CMIP: variants seen among roughly 807,000 people sequenced by gnomAD.
The protein encoded by CMIP is c-Maf inducing protein, also known as C-Maf-inducing protein.
A neutral mutation model predicts 97.3 loss-of-function variants in CMIP; 13 were observed. That is an observed-to-expected ratio of 0.13 (90% CI 0.09 to 0.21). The LOEUF is 0.21. Ranked by LOEUF, CMIP falls within the 10% of genes least tolerant of loss-of-function variation. The probability of loss-of-function intolerance (pLI) is 1.00; values close to 1 mark genes in which losing one functional copy is unlikely to be tolerated. For synonymous variants in CMIP, 538 were observed against 436.3 expected (o/e 1.23, Z -2.91); for missense variants, 847 against 1,024.9 (o/e 0.83, Z 2.37).
Position 81,709,787 on chromosome 16 carries a change from C to A in CMIP, c.2310C>A (p.Thr770=), listed in dbSNP as rs761746387. The change falls in exon 21 of 21, where the codon ACC becomes ACA. Residue 770 remains threonine, a synonymous_variant. Transcript: ENST00000537098. The part of the protein sequence containing the change: ...PNLKEVDVRY[T]EAW Reference sequence around the variant, plus strand: ...TGAAGGAAGTGGACGTCCGCTACACCGAAGCCTGGTGAAGCTCCCAGCTCA... The same window carrying A: ...TGAAGGAAGTGGACGTCCGCTACACAGAAGCCTGGTGAAGCTCCCAGCTCA... 2.5e-6 allele frequency: 4 copies of A among 1,613,810 alleles called. No homozygotes were observed. The African/African-American group carries it at 5.3e-5, about 22-fold the overall frequency.
rs1231663916 is a variant in CMIP at position 81,607,563 on chromosome 16, G to A, written c.301-4G>A. On this transcript the variant is annotated splice_region_variant and splice_polypyrimidine_tract_variant and intron_variant, in intron 1 of 20. Coordinates refer to ENST00000537098, the MANE Select transcript of CMIP (RefSeq NM_198390.3). ...TATCTCTTCTTTTTCTTTTTTTGCTGCAGCCAACTGGGTACATGGAAAACT... is the reference window on the plus strand; with the variant it reads ...TATCTCTTCTTTTTCTTTTTTTGCTACAGCCAACTGGGTACATGGAAAACT... 10 of 1,611,594 alleles carry A rather than the reference G, an allele frequency of 6.2e-6. No individual in the cohort carries two copies. The highest frequency in any genetic ancestry group is 2.2e-5 in the East Asian group (1 of 44,872).
intron 4 of CMIP, 59 bp from the exon 5 acceptor site, chr16:81,657,716 C>T (rs914164246): frequency 5.8e-6 from 8 of 1,380,310 alleles, no homozygotes; most frequent in Non-Finnish European, 8.0e-6. Flanking sequence ...TCCAAATGCT[C>T]GTTTTCTTAA....
chr16:81,666,198 C>T (rs902466468), intron 7 of CMIP: 1 of 152,116 alleles, frequency 6.6e-6, no homozygotes, highest in East Asian at 1.9e-4. Context: ...AAAATCACTA[C>T]GGGTGTAGTG....
chr16:81,631,347 G>T (rs888342586), intron 3 of CMIP: 1 of 152,238 alleles, frequency 6.6e-6, no homozygotes, highest in Non-Finnish European at 1.5e-5. Flanking sequence ...GGGCCTTTTG[G>T]CCTCTTCCGT....
chr16:81,576,083 C>G (rs918942204), intron 1 of CMIP, among the ~76,000 whole-genome samples: 1 of 152,114 alleles, frequency 6.6e-6, no homozygotes, highest in Admixed American at 6.5e-5. Context: ...TTGTAAGATA[C>G]TCCATTTTCT....
At chr16:81,687,032 T>C (rs1905477332) in intron 10 of CMIP, among the ~76,000 whole-genome samples, 1 of 152,146 alleles carries the variant, frequency 6.6e-6, no homozygotes, top group South Asian at 2.1e-4. Flanking sequence ...CCTGCCCCAG[T>C]GCAAGCCAGG....
chr16:81,446,005 C>T (rs1231119169), intron 1 of CMIP, among the ~76,000 whole-genome samples: 6 of 152,126 alleles, frequency 3.9e-5, no homozygotes, highest in Admixed American at 3.3e-4. Flanking sequence ...TCCAAACCCC[C>T]AAACCCAAAG....
At chr16:81,642,657 C>T (rs1055557157) in intron 3 of CMIP, among the ~76,000 whole-genome samples, 1 of 152,152 alleles carries the variant, frequency 6.6e-6, no homozygotes, top group Non-Finnish European at 1.5e-5. Flanking sequence ...TGCAGTGTAT[C>T]TGCCGGGCGC....
intron 1 of CMIP, among the ~76,000 whole-genome samples, chr16:81,559,396 C>G (rs1453938374): frequency 2.0e-5 from 3 of 152,200 alleles, no homozygotes; most frequent in Non-Finnish European, 4.4e-5. Context: ...TGGAGCTGTT[C>G]TAGGTGCAGG....
intron 1 of CMIP, among the ~76,000 whole-genome samples, chr16:81,568,747 C>T (rs1308207304): frequency 6.6e-6 from 1 of 152,200 alleles, no homozygotes; most frequent in South Asian, 2.1e-4. Flanking sequence ...GGAGTTGGCT[C>T]CATAACAAAG....
chr16:81,473,653 G>T (rs1284605092), intron 1 of CMIP, among the ~76,000 whole-genome samples: 1 of 151,966 alleles, frequency 6.6e-6, no homozygotes, highest in African/African-American at 2.4e-5. Context: ...TTGGAATGGG[G>T]TGATCTCAAA....
rs547010542 is a variant in CMIP at position 81,482,454 on chromosome 16, G to A, written c.300+36913G>A. Among the ~76,000 whole-genome samples, 122 of 152,270 alleles carry A rather than the reference G, an allele frequency of 8.0e-4. 1 individual carries two copies. In the South Asian group the frequency reaches 8.7e-3, roughly 11 times the overall value. ...CTGGGCGCCTAAGTACCTGGAGGAG[G>A]AGCTCCTGGAGGGGAGGGTGAGACA... On this transcript the variant is annotated intron_variant, in intron 1 of 20. Coordinates refer to ENST00000537098, the MANE Select transcript of CMIP (RefSeq NM_198390.3).
chr16:81,500,184 C>G (rs56823429), intron 1 of CMIP, among the ~76,000 whole-genome samples: 1 of 151,862 alleles, frequency 6.6e-6, no homozygotes, highest in Non-Finnish European at 1.5e-5. Context: ...GTGAACATGA[C>G]GCCATGGGCT....
intron 1 of CMIP, among the ~76,000 whole-genome samples, chr16:81,454,237 T>C (rs1193630819): frequency 6.6e-6 from 1 of 152,206 alleles, no homozygotes; most frequent in African/African-American, 2.4e-5. Context: ...GGCACAGTGC[T>C]CATTTAATTT....
intron 1 of CMIP, among the ~76,000 whole-genome samples, chr16:81,593,380 G>C (rs1283014183): frequency 6.6e-6 from 1 of 152,060 alleles, no homozygotes; most frequent in Non-Finnish European, 1.5e-5. Context: ...CTGGGGGGTT[G>C]GAGGGCGGGG....
At chr16:81,658,463 C>G (rs191066552) in intron 5 of CMIP, among the ~76,000 whole-genome samples, 8 of 152,182 alleles carry the variant, frequency 5.3e-5, no homozygotes, top group Non-Finnish European at 1.0e-4. Context: ...GTGATCACCG[C>G]AAAAAATAGA....
intron 2 of CMIP, chr16:81,610,284 G>A (rs2091809574): frequency 1.0e-6 from 1 of 984,638 alleles, no homozygotes. Flanking sequence ...TGTCTGGCAG[G>A]GCTTCAGGAC....
At chr16:81,551,166 C>T (rs2090649860) in intron 1 of CMIP, among the ~76,000 whole-genome samples, 1 of 150,054 alleles carries the variant, frequency 6.7e-6, no homozygotes, top group Non-Finnish European at 1.5e-5. Context: ...AGTTCCATCA[C>T]ATATGTCCCA....
intron 1 of CMIP, among the ~76,000 whole-genome samples, chr16:81,484,749 C>G (rs774923595): frequency 6.6e-6 from 1 of 152,138 alleles, no homozygotes; most frequent in Non-Finnish European, 1.5e-5. Context: ...CTGGAAGATG[C>G]CAGGTGGGCT....
Sources: gnomAD v4.1 joint callset for allele counts (sites outside exome capture counted in the v4.1 genomes callset) on GRCh38, gnomAD v4.1.1 for gene constraint, MANE v1.5 for transcripts, NCBI Gene and HGNC (gene_info 2026-07-23, HGNC 2026-07-21) for gene names.